AFP: variants seen among roughly 807,000 people sequenced by gnomAD.
AFP encodes alpha-fetoprotein.
A neutral mutation model predicts 78.9 loss-of-function variants in AFP; 64 were observed. The ratio of observed to expected loss-of-function variants is 0.81; its 90% CI spans 0.66 to 1.00. The LOEUF (loss-of-function observed/expected upper bound fraction) is 1.00. Among genes scored for constraint, AFP ranks in the 50% least tolerant of loss-of-function variants. The pLI is 0.00. For synonymous variants in AFP, 254 were observed against 243.8 expected, an observed-to-expected ratio of 1.04 and a Z score of -0.39; for missense variants, 689 against 703.8, an observed-to-expected ratio of 0.98 and a Z score of 0.24.
intron 1 of AFP, 85 bp downstream of exon 1, chr4:73,436,432 T>C (rs1719507701): frequency 1.3e-6 from 1 of 768,720 alleles, no homozygotes; most frequent in Non-Finnish European, 2.1e-6. Flanking sequence ...TCTTGATTTA[T>C]TATTCATATT....
intron 11 of AFP, among the ~76,000 whole-genome samples, chr4:73,451,636 C>T (rs1443339424): frequency 6.6e-6 from 1 of 152,218 alleles, no homozygotes; most frequent in Non-Finnish European, 1.5e-5. Flanking sequence ...CCGCATTCTA[C>T]TTTCACTATT....
At chr4:73,439,446 A>AT (rs1482335824) in intron 3 of AFP, among the ~76,000 whole-genome samples, 2 of 152,212 alleles carry the variant, frequency 1.3e-5, no homozygotes, top group African/African-American at 2.4e-5. Context: ...CAAAATGTGT[A>AT]TAAAAAAACA....
chr4:73,455,534 C>A, intron 14 of AFP, 97 bp from the exon 15 acceptor site: 3 of 651,494 alleles, frequency 4.6e-6, no homozygotes, highest in Non-Finnish European at 8.1e-6. Flanking sequence ...GACTTTCCTA[C>A]GTATCCAATA....
chr4:73,455,611 T>C lies in AFP; in HGVS notation c.*11-20T>C. The C allele has an allele frequency of 1.5e-6, 1 of 687,384 alleles. No homozygotes were observed. The highest frequency in any genetic ancestry group is 2.6e-6 in the Non-Finnish European group (1 of 381,338). The allele number at this position is 687,384 out of a possible 1,614,324, so 42.6% of individuals were successfully genotyped here. ...CTATTAGTTTAATTAGTATTTAATATATTTTTGCTCATATTGCAGGGGAAG... is the reference window on the plus strand; with the variant it reads ...CTATTAGTTTAATTAGTATTTAATACATTTTTGCTCATATTGCAGGGGAAG... On this transcript the variant is annotated intron_variant, in intron 14 of 14. Transcript: ENST00000395792.
chr4:73,447,679 AAC>A lies in AFP; in HGVS notation c.1058+8_1058+9del. 6.2e-7 allele frequency: 1 copy of A among 1,602,706 alleles called. No individual in the cohort carries two copies. Among genetic ancestry groups the A allele is most frequent in the Non-Finnish European group, 8.5e-7 (1 of 1,171,740 alleles). On this transcript the variant is annotated splice_donor_5th_base_variant and intron_variant, in intron 8 of 14. Transcript: ENST00000395792. ...GAAAAAAATATCTTCTTGGCAAGGT[AAC>A]ACACTCTGTAAATGCATGTTCATGC...
intron 13 of AFP, 151 bp from the exon 14 acceptor site, chr4:73,455,085 C>T: frequency 1.5e-6 from 1 of 647,706 alleles, no homozygotes; most frequent in Non-Finnish European, 2.7e-6. Context: ...CTTTTACTAT[C>T]CCAGGTTGTT....
intron 11 of AFP, 115 bp downstream of exon 11, chr4:73,450,868 G>A (rs761017251): frequency 7.1e-5 from 111 of 1,554,882 alleles, no homozygotes; most frequent in Non-Finnish European, 9.6e-5. Context: ...GGCCTTAGGA[G>A]GCTTGTTTGA....
intron 3 of AFP, among the ~76,000 whole-genome samples, chr4:73,439,447 TA>T (rs1223014190): frequency 6.6e-6 from 1 of 152,168 alleles, no homozygotes; most frequent in Admixed American, 6.5e-5. Flanking sequence ...AAAATGTGTA[TA>T]AAAAAACAAG....
In AFP at chr4:73,455,854, T is replaced by C. The variant is rs1321138339; in HGVS notation, c.*234T>C. The C allele has an allele frequency of 2.3e-5, 13 of 563,004 alleles. No homozygotes were observed. The East Asian group carries it at 3.3e-4, about 14-fold the overall frequency. 34.9% of individuals were successfully genotyped at this position (563,004 alleles called of 1,614,324 possible). A position where few individuals can be genotyped will look rare whatever the true frequency, so the allele number is the denominator to read the frequency against. On this transcript the variant is annotated 3_prime_UTR_variant, in exon 15 of 15. Transcript: ENST00000395792. ...TTTGTATACCATTGTCTGAAGCAGA[T>C]TCTGTTAAAATAGCATTAAGTGTTG... is the stretch of plus-strand genomic sequence containing the variant.
chr4:73,447,503 G>A lies in AFP; in HGVS notation c.885G>A (p.Leu295=), dbSNP rs147848862. Reference sequence around the variant, plus strand: ...ACATATGTTCTCAACAAGACACTCTGTCAAACAAAATAACAGAATGCTGCA... The same window carrying A: ...ACATATGTTCTCAACAAGACACTCTATCAAACAAAATAACAGAATGCTGCA... ...MSYICSQQDT[L]SNKITECCKL... The change falls in exon 8 of 15, where the codon CTG becomes CTA. Residue 295 remains leucine (L), a synonymous_variant. Coordinates refer to ENST00000395792, the MANE Select transcript of AFP (RefSeq NM_001134.3). 4.4e-4 allele frequency: 710 copies of A among 1,612,108 alleles called. 6 individuals carry two copies. The South Asian group carries it at 5.9e-3, about 13-fold the overall frequency.
chr4:73,438,127 T>G, intron 2 of AFP, 47 bp from the exon 3 acceptor site: 1 of 1,607,810 alleles, frequency 6.2e-7, no homozygotes, highest in Non-Finnish European at 8.5e-7. Flanking sequence ...AAAAATAAGC[T>G]TGCTGCAGGT....
intron 11 of AFP, among the ~76,000 whole-genome samples, chr4:73,452,097 T>C (rs1270087520): frequency 6.6e-6 from 1 of 152,174 alleles, no homozygotes; most frequent in Non-Finnish European, 1.5e-5. Flanking sequence ...GACATTTTTG[T>C]CCTTTAGAAG....
At chr4:73,443,039 C>A (rs1278755576) in intron 5 of AFP, among the ~76,000 whole-genome samples, 1 of 152,078 alleles carries the variant, frequency 6.6e-6, no homozygotes, top group Non-Finnish European at 1.5e-5. Flanking sequence ...AAGAAATTAG[C>A]AGGCTTCAAT....
chr4:73,445,716 C>A (rs7660680), intron 7 of AFP, among the ~76,000 whole-genome samples: 1 of 151,954 alleles, frequency 6.6e-6, no homozygotes, highest in African/African-American at 2.4e-5. Flanking sequence ...ACTGTCCTAC[C>A]AGGTAAAAAG....
At chr4:73,452,162 T>C (rs1362793741) in intron 11 of AFP, among the ~76,000 whole-genome samples, 2 of 152,216 alleles carry the variant, frequency 1.3e-5, no homozygotes, top group African/African-American at 2.4e-5. Flanking sequence ...GCTAAATGAC[T>C]ATCCTCAACA....
In AFP at chr4:73,455,957, A is replaced by G. The variant is rs1720147425; in HGVS notation, c.*337A>G. The G allele has an allele frequency of 6.3e-6, 2 of 318,084 alleles. No homozygotes were observed. Among genetic ancestry groups the G allele is most frequent in the East Asian group, 6.4e-5 (1 of 15,562 alleles). The allele number at this position is 318,084 out of a possible 1,614,324, so 19.7% of individuals were successfully genotyped here. A position where few individuals can be genotyped will look rare whatever the true frequency, so the allele number is the denominator to read the frequency against. ...CTTGGTGAACTGAAAAATGTTCCCA[A>G]GTTAAACACTATTTGATGCTACCAG... On this transcript the variant is annotated 3_prime_UTR_variant, in exon 15 of 15. Coordinates refer to ENST00000395792, the MANE Select transcript of AFP (RefSeq NM_001134.3).
chr4:73,437,519 C>T (rs1719541618), intron 2 of AFP, among the ~76,000 whole-genome samples: 2 of 151,984 alleles, frequency 1.3e-5, no homozygotes, highest in African/African-American at 4.8e-5. Context: ...TCATCAGTAC[C>T]AACAGGGTGA....
intron 8 of AFP, 104 bp downstream of exon 8, chr4:73,447,780 A>C: frequency 1.1e-6 from 1 of 951,908 alleles, no homozygotes; most frequent in Admixed American, 2.1e-5. Flanking sequence ...TTTTGAGTTC[A>C]ATATGTGAGG....
intron 4 of AFP, 132 bp from the exon 5 acceptor site, chr4:73,442,164 T>C (rs904024979): frequency 1.0e-6 from 1 of 981,888 alleles, no homozygotes; most frequent in African/African-American, 1.6e-5. Flanking sequence ...AGGAACACAG[T>C]AAAGACAAAG....
Sources: gnomAD v4.1 joint callset for allele counts (sites outside exome capture counted in the v4.1 genomes callset) on GRCh38, gnomAD v4.1.1 for gene constraint, MANE v1.5 for transcripts, NCBI Gene and HGNC (gene_info 2026-07-23, HGNC 2026-07-21) for gene names.